Variants in TRAPPC9 observed in about 807,000 individuals in gnomAD.
TRAPPC9 encodes the protein trafficking protein particle complex subunit 9.
Under a neutral mutation model 124.0 loss-of-function variants are expected in TRAPPC9, and 83 were observed. The observed-to-expected ratio is 0.67, with a 90% CI of 0.56 to 0.80. TRAPPC9 has a LOEUF of 0.80. Among genes scored for constraint, TRAPPC9 ranks in the 30% least tolerant of loss-of-function variants. The pLI, the probability that TRAPPC9 is intolerant of heterozygous loss-of-function variation, is 0.00. For synonymous variants in TRAPPC9, 638 were observed against 617.5 expected, an observed-to-expected ratio of 1.03 and a Z score of -0.49; for missense variants, 1,302 against 1,508.3, an observed-to-expected ratio of 0.86 and a Z score of 2.27.
At position 140,252,561 on chromosome 8, in the gene TRAPPC9, G is replaced by A; in HGVS notation, c.2431+216C>T. ...AAATGAGTACAAAATAATAAAGAGT[G>A]AGAATTAAATCATTTAGATAAAAAG... On this transcript the variant is annotated intron_variant, in intron 16 of 22. Transcript: ENST00000438773. The surrounding 1 kb of genome is among the most constrained non-coding windows in gnomAD (Gnocchi z 4.2). The A allele has an allele frequency of 1.8e-6, 1 of 556,340 alleles. No individual in the cohort carries two copies. The highest frequency in any genetic ancestry group is 3.2e-6 in the Non-Finnish European group (1 of 314,204). 34.5% of individuals were successfully genotyped at this position (556,340 alleles called of 1,614,324 possible). A position where few individuals can be genotyped will look rare whatever the true frequency, so the allele number is the denominator to read the frequency against.
At chr8:139,999,998 A>G (rs1008719030) in intron 18 of TRAPPC9, among the ~76,000 whole-genome samples, 1 of 152,204 alleles carries the variant, frequency 6.6e-6, no homozygotes, top group African/African-American at 2.4e-5. Flanking sequence ...CTATCTTAAG[A>G]AACGAGAAAA....
chr8:140,267,896 G>A (rs2064737957), intron 15 of TRAPPC9, among the ~76,000 whole-genome samples: 1 of 152,096 alleles, frequency 6.6e-6, no homozygotes, highest in South Asian at 2.1e-4. Context: ...TTGAACTCCT[G>A]GCCTTGTGAT....
At chr8:139,926,516 T>A (rs1455608612) in intron 19 of TRAPPC9, among the ~76,000 whole-genome samples, 1 of 151,766 alleles carries the variant, frequency 6.6e-6, no homozygotes, top group African/African-American at 2.4e-5. Context: ...CAAAATGAAG[T>A]TTTAAAAATA....
In TRAPPC9 at chr8:140,451,190, G is replaced by A; in HGVS notation, c.184C>T (p.Pro62Ser). The A allele has an allele frequency of 1.2e-6, 2 of 1,614,122 alleles. No individual in the cohort carries two copies. The highest frequency in any genetic ancestry group is 1.7e-6 in the Non-Finnish European group (2 of 1,180,016). The change falls in exon 2 of 23, where the codon CCA becomes TCA. Residue 62 changes from proline (P) to serine (S), a missense_variant. Pro to Ser is a moderately conservative substitution (Grantham distance 74). Coordinates refer to ENST00000438773, the MANE Select transcript of TRAPPC9 (RefSeq NM_001160372.4). ...TCACCCCACTCGTTGTTCTCGGGTG[G>A]GTAGTGGTGCCTGTAGCGGATGTAG... Reference protein sequence around the residue: ...VLYIRYRHHYPPENNEWGDFQ... With the variant: ...VLYIRYRHHYSPENNEWGDFQ...
intron 7 of TRAPPC9, among the ~76,000 whole-genome samples, chr8:140,379,493 C>T (rs930294892): frequency 2.0e-5 from 3 of 152,188 alleles, no homozygotes; most frequent in African/African-American, 7.2e-5. Context: ...GCTCACATTA[C>T]ACCTTCCCTA....
chr8:140,032,123 C>T (rs1365855754), intron 17 of TRAPPC9, among the ~76,000 whole-genome samples: 3 of 152,208 alleles, frequency 2.0e-5, no homozygotes, highest in African/African-American at 4.8e-5. Context: ...TCCAAAGAAA[C>T]TCTGCCACTC....
chr8:140,364,983 C>T (rs1049158053), intron 8 of TRAPPC9, among the ~76,000 whole-genome samples: 2 of 150,654 alleles, frequency 1.3e-5, no homozygotes, highest in Non-Finnish European at 3.0e-5. Flanking sequence ...TCATCTGCAA[C>T]CAAAGGCCAG....
intron 2 of TRAPPC9, among the ~76,000 whole-genome samples, chr8:140,446,248 C>T (rs976577353): frequency 6.7e-6 from 1 of 149,304 alleles, no homozygotes; most frequent in Admixed American, 6.7e-5. Context: ...GAGCCAGGAT[C>T]GCGCCACTGC....
In TRAPPC9 at chr8:139,729,466, C is replaced by T. The variant is rs550199525; in HGVS notation, c.*1595G>A. ...TGGGGTCTCCACCCCCTACTGCAGCCAGACCTTCTGGGGCTGCCTTCCCTG... is the reference window on the plus strand; with the variant it reads ...TGGGGTCTCCACCCCCTACTGCAGCTAGACCTTCTGGGGCTGCCTTCCCTG... On this transcript the variant is annotated 3_prime_UTR_variant, in exon 23 of 23. Transcript: ENST00000438773. Among the ~76,000 whole-genome samples, 48 of 152,318 alleles carry T rather than the reference C, an allele frequency of 3.2e-4. No individual in the cohort carries two copies. Among genetic ancestry groups the T allele is most frequent in the Non-Finnish European group, 6.3e-4 (43 of 68,028 alleles).
At chr8:140,455,521 C>T (rs191624256) in intron 1 of TRAPPC9, among the ~76,000 whole-genome samples, 1 of 152,178 alleles carries the variant, frequency 6.6e-6, no homozygotes, top group East Asian at 1.9e-4. Flanking sequence ...AACTCCGCCT[C>T]CCAGGTTCAA....
At chr8:139,929,772 C>CCAGCAAGCCTGGG (rs1282719643) in intron 19 of TRAPPC9, among the ~76,000 whole-genome samples, 1 of 152,226 alleles carries the variant, frequency 6.6e-6, no homozygotes, top group African/African-American at 2.4e-5. Flanking sequence ...GGCTGGTCAC[C>CCAGCAAGCCTGGG]CAGCAAGCCT....
At position 139,927,141 on chromosome 8, in the gene TRAPPC9, A is replaced by G. The variant is rs181043345; in HGVS notation, c.2811-16841T>C. 1.9e-4 allele frequency among the ~76,000 whole-genome samples: 29 copies of G among 152,374 alleles called. No homozygotes were observed. In the East Asian group the frequency reaches 5.4e-3, roughly 28 times the overall value. On this transcript the variant is annotated intron_variant, in intron 19 of 22. Coordinates refer to ENST00000438773, the MANE Select transcript of TRAPPC9 (RefSeq NM_001160372.4). ...AAACACCCATACTTGAACAGCTACA[A>G]TGAAACAGACTGACCACATCAAGCA...
At chr8:139,800,023 TTCCACAGACGC>T (rs1157854749) in intron 21 of TRAPPC9, among the ~76,000 whole-genome samples, 1 of 152,204 alleles carries the variant, frequency 6.6e-6, no homozygotes, top group Non-Finnish European at 1.5e-5. Flanking sequence ...GGCAGTCAGA[TTCCACAGACGC>T]ATGGAAGGCA....
intron 18 of TRAPPC9, among the ~76,000 whole-genome samples, chr8:140,012,922 G>A (rs1839226321): frequency 6.6e-6 from 1 of 152,162 alleles, no homozygotes; most frequent in African/African-American, 2.4e-5. Flanking sequence ...AGGAAGCAAA[G>A]GGGTTACAGG....
intron 21 of TRAPPC9, among the ~76,000 whole-genome samples, chr8:139,844,871 C>A (rs1020112031): frequency 6.6e-6 from 1 of 152,240 alleles, no homozygotes; most frequent in Non-Finnish European, 1.5e-5. Flanking sequence ...GCTGCGGCAA[C>A]CTGCTGGCCA....
chr8:140,217,090 T>C (rs2063214256), intron 17 of TRAPPC9, among the ~76,000 whole-genome samples: 1 of 152,164 alleles, frequency 6.6e-6, no homozygotes, highest in Non-Finnish European at 1.5e-5. Context: ...CGGGGCACCG[T>C]AACTGACTCA....
intron 18 of TRAPPC9, among the ~76,000 whole-genome samples, chr8:139,989,937 A>G (rs1267599553): frequency 6.6e-6 from 1 of 152,198 alleles, no homozygotes; most frequent in Non-Finnish European, 1.5e-5. Context: ...AGCTCAGTGG[A>G]TGGCTGCACC....
Position 139,776,464 on chromosome 8 carries a change from G to A in TRAPPC9, c.3056-44262C>T, listed in dbSNP as rs576544222. Among the ~76,000 whole-genome samples the A allele has an allele frequency of 9.2e-5, 14 of 152,352 alleles. No individual in the cohort carries two copies. Among genetic ancestry groups the A allele is most frequent in the East Asian group, 5.8e-4 (3 of 5,168 alleles). ...ACATGCTCATCACCCAGGGGTTAGC[G>A]TCGCTTGTTTACACAGGTGATGCAT... On this transcript the variant is annotated intron_variant, in intron 21 of 22. Transcript: ENST00000438773. This position sits in a 1 kb window ranked among gnomAD's most constrained non-coding sequence, Gnocchi z 4.1.
chr8:139,840,289 G>A (rs1383502820), intron 21 of TRAPPC9, among the ~76,000 whole-genome samples: 6 of 152,206 alleles, frequency 3.9e-5, no homozygotes, highest in Non-Finnish European at 8.8e-5. Flanking sequence ...GCTGAGGAGC[G>A]GGGAAACTTC....
Sources: allele counts gnomAD v4.1 joint callset (sites outside exome capture counted in the v4.1 genomes callset), GRCh38; gene constraint gnomAD v4.1.1; non-coding constraint Gnocchi (gnomAD v3.1); transcripts MANE v1.5; gene names NCBI Gene and HGNC (gene_info 2026-07-23, HGNC 2026-07-21).